Variants in TAPT1 observed in about 807,000 individuals in gnomAD.
The protein encoded by TAPT1 is transmembrane anterior posterior transformation protein 1 homolog.
TAPT1 carries 28 observed loss-of-function variants against 65.6 expected under a neutral mutation model. The ratio of observed to expected loss-of-function variants is 0.43; its 90% confidence interval spans 0.32 to 0.59. The LOEUF (loss-of-function observed/expected upper bound fraction) is 0.59. Among genes scored for constraint, TAPT1 ranks in the 20% least tolerant of loss-of-function variants. The probability of loss-of-function intolerance (pLI) is 0.09; values close to 1 mark genes in which losing one functional copy is unlikely to be tolerated. For missense variants in TAPT1, 563 were observed against 679.9 expected, an observed-to-expected ratio of 0.83 and a Z score of 1.91; for synonymous variants, 278 against 245.2, an observed-to-expected ratio of 1.13 and a Z score of -1.25.
intron 1 of TAPT1, among the ~76,000 whole-genome samples, chr4:16,218,214 T>C (rs1299964213): frequency 6.6e-6 from 1 of 152,084 alleles, no homozygotes; most frequent in Admixed American, 6.5e-5. Context: ...GACCAGCCTG[T>C]CCAAAATGGC....
intron 7 of TAPT1, among the ~76,000 whole-genome samples, chr4:16,183,633 G>A (rs955089959): frequency 2.6e-5 from 4 of 151,944 alleles, no homozygotes; most frequent in African/African-American, 9.7e-5. Context: ...CTAGTTTAAG[G>A]CTCTATAAAG....
chr4:16,197,216 A>G (rs1334494382), intron 3 of TAPT1, among the ~76,000 whole-genome samples: 2 of 152,238 alleles, frequency 1.3e-5, no homozygotes, highest in Non-Finnish European at 2.9e-5. Flanking sequence ...AAGCCTGTGA[A>G]GCCTCATGTG....
rs992258474 is a variant in TAPT1, at chr4:16,161,167, A to G, written c.*2141T>C. 2.6e-5 allele frequency: 4 copies of G among 152,684 alleles called. No homozygotes were observed. The highest frequency in any genetic ancestry group is 5.9e-5 in the Non-Finnish European group (4 of 68,040). The allele number at this position is 152,684 out of a possible 1,614,324, so 9.5% of individuals were successfully genotyped here. A position where few individuals can be genotyped will look rare whatever the true frequency, so the allele number is the denominator to read the frequency against. The stretch of plus-strand genomic sequence containing the variant: ...AATTAAACATTTTGCCACCATTAAG[A>G]CCAAAGCAATAATTCAAATTAAGAT... On this transcript the variant is annotated 3_prime_UTR_variant, in exon 14 of 14. Coordinates refer to ENST00000405303, the MANE Select transcript of TAPT1 (RefSeq NM_153365.3).
chr4:16,212,553 G>A (rs899547815), intron 2 of TAPT1, among the ~76,000 whole-genome samples: 2 of 152,170 alleles, frequency 1.3e-5, no homozygotes, highest in African/African-American at 4.8e-5. Flanking sequence ...CAGAGCTGTT[G>A]CTGCGCTGGA....
chr4:16,179,037 A>C (rs141380387), intron 8 of TAPT1: 1 of 152,612 alleles, frequency 6.6e-6, no homozygotes, highest in East Asian at 1.9e-4. Flanking sequence ...ACAGCATCCC[A>C]CTACACCACA....
chr4:16,212,763 C>T (rs777507923), intron 2 of TAPT1, among the ~76,000 whole-genome samples: 4 of 152,242 alleles, frequency 2.6e-5, no homozygotes, highest in Non-Finnish European at 2.9e-5. Flanking sequence ...CTCTCTAAAT[C>T]CCACCCTAAT....
At chr4:16,212,053 G>T (rs1361931977) in intron 2 of TAPT1, among the ~76,000 whole-genome samples, 5 of 152,312 alleles carry the variant, frequency 3.3e-5, no homozygotes, top group Non-Finnish European at 1.5e-5. Flanking sequence ...CTCTGCTGAG[G>T]TAACAAAATC....
At chr4:16,211,319 C>G (rs1396258322) in intron 2 of TAPT1, among the ~76,000 whole-genome samples, 2 of 152,032 alleles carry the variant, frequency 1.3e-5, no homozygotes, top group Non-Finnish European at 2.9e-5. Flanking sequence ...TCTTGCATGT[C>G]TAGATAGGCT....
At position 16,216,762 on chromosome 4, in the gene TAPT1, T is replaced by G. The variant is rs190395472; in HGVS notation, c.200-2864A>C. ...CTCTCTCCAGGTTATTGCAAAAGCT[T>G]CTTGATTGAGTACCATTCTTCCCAT... On this transcript the variant is annotated intron_variant, in intron 1 of 13. Coordinates refer to ENST00000405303, the MANE Select transcript of TAPT1 (RefSeq NM_153365.3). Among the ~76,000 whole-genome samples the G allele has an allele frequency of 2.3e-3, 350 of 152,308 alleles. 2 individuals are homozygous for G. Among genetic ancestry groups the G allele is most frequent in the Non-Finnish European group, 3.3e-3 (225 of 68,014 alleles).
chr4:16,202,362 T>C (rs1750086013), intron 3 of TAPT1, 100 bp downstream of exon 3: 1 of 682,768 alleles, frequency 1.5e-6, no homozygotes, highest in African/African-American at 1.8e-5. Flanking sequence ...GGCCAAAGTG[T>C]GGATGAAACT....
At position 16,215,487 on chromosome 4, in the gene TAPT1, G is replaced by A. The variant is rs558384475; in HGVS notation, c.200-1589C>T. Among the ~76,000 whole-genome samples the A allele has an allele frequency of 7.0e-4, 107 of 152,176 alleles. 2 individuals carry two copies. The highest frequency in any genetic ancestry group is 2.4e-3 in the African/African-American group (100 of 41,496). On this transcript the variant is annotated intron_variant, in intron 1 of 13. Coordinates refer to ENST00000405303, the MANE Select transcript of TAPT1 (RefSeq NM_153365.3). ...GGGTTTATTCCATATATATGTGTAT[G>A]TACACACATACACATACACACTTCT...
chr4:16,179,724 A>G, intron 7 of TAPT1, 67 bp from the exon 8 acceptor site: 3 of 769,936 alleles, frequency 3.9e-6, no homozygotes, highest in Non-Finnish European at 6.0e-6. Flanking sequence ...TACATATATA[A>G]TTATTTTAGC....
chr4:16,224,361 T>C (rs1231792746), intron 1 of TAPT1, among the ~76,000 whole-genome samples: 3 of 152,162 alleles, frequency 2.0e-5, no homozygotes, highest in Admixed American at 6.5e-5. Flanking sequence ...CTAACAAATA[T>C]GGTTATCGGA....
At position 16,162,905 on chromosome 4, in the gene TAPT1, G is replaced by GATT. The variant is rs1255977933; in HGVS notation, c.*400_*402dup. Reference sequence around the variant, plus strand: ...TGTGAAAATAGTATGAGACTGGAAAGATTACGTCGTGGTAAAAGTTTCACA... The same window carrying GATT: ...TGTGAAAATAGTATGAGACTGGAAAGATTATTACGTCGTGGTAAAAGTTTCACA... On this transcript the variant is annotated 3_prime_UTR_variant, in exon 14 of 14. Transcript: ENST00000405303. 6 of 429,518 alleles carry GATT rather than the reference G, an allele frequency of 1.4e-5. No individual in the cohort carries two copies. The highest frequency in any genetic ancestry group is 3.3e-4 in the Middle Eastern group (1 of 2,992). 26.6% of individuals were successfully genotyped at this position (429,518 alleles called of 1,614,324 possible).
At chr4:16,202,278 C>T (rs763980524) in intron 3 of TAPT1, among the ~76,000 whole-genome samples, 184 bp downstream of exon 3, 1 of 152,000 alleles carries the variant, frequency 6.6e-6, no homozygotes, top group Non-Finnish European at 1.5e-5. Flanking sequence ...AAAAAATAAG[C>T]ATATAAAAAG....
Position 16,162,820 on chromosome 4 carries a change from C to G in TAPT1, c.*488G>C, listed in dbSNP as rs1341230609. 3 of 311,388 alleles carry G rather than the reference C, an allele frequency of 9.6e-6. No individual in the cohort carries two copies. Among genetic ancestry groups the G allele is most frequent in the African/African-American group, 6.5e-5 (3 of 45,924 alleles). 19.3% of individuals were successfully genotyped at this position (311,388 alleles called of 1,614,324 possible). ...TTATTCTGGTGGTAAGAACATTTAT[C>G]TTGACTTATGTTTAATTTTTTTAAT... On this transcript the variant is annotated 3_prime_UTR_variant, in exon 14 of 14. Transcript: ENST00000405303.
At chr4:16,186,753 A>G (rs1227241389) in intron 6 of TAPT1, 28 bp downstream of exon 6, 70 of 1,539,004 alleles carry the variant, frequency 4.5e-5, no homozygotes, top group Non-Finnish European at 6.3e-5. Context: ...GTATAACTTC[A>G]AAAATGTAAG....
At chr4:16,166,173 G>A (rs1747603787) in intron 13 of TAPT1, among the ~76,000 whole-genome samples, 1 of 152,244 alleles carries the variant, frequency 6.6e-6, no homozygotes, top group Non-Finnish European at 1.5e-5. Flanking sequence ...CTGGAAGGCT[G>A]GATGTGCTGT....
intron 7 of TAPT1, among the ~76,000 whole-genome samples, chr4:16,182,016 A>G (rs1238154508): frequency 6.6e-6 from 1 of 152,176 alleles, no homozygotes; most frequent in African/African-American, 2.4e-5. Context: ...ATAAAAATTA[A>G]CTCTATCTTT....
Sources: gnomAD v4.1 joint callset for allele counts (sites outside exome capture counted in the v4.1 genomes callset) on GRCh38, gnomAD v4.1.1 for gene constraint, MANE v1.5 for transcripts, NCBI Gene and HGNC (gene_info 2026-07-23, HGNC 2026-07-21) for gene names.